The following BTLA variants were observed in gnomAD, a reference collection of about 807,000 sequenced individuals.
BTLA encodes the protein B- and T-lymphocyte attenuator.
A neutral mutation model predicts 25.0 loss-of-function variants in BTLA; 11 were observed. The ratio of observed to expected loss-of-function variants is 0.44; its 90% CI spans 0.28 to 0.73. The LOEUF is 0.73. Ranked by LOEUF, BTLA falls within the 30% of genes least tolerant of loss-of-function variation. BTLA has a pLI of 0.15. For missense variants in BTLA, 282 were observed against 332.8 expected (o/e 0.85, Z 1.19); for synonymous variants, 104 against 119.8 (o/e 0.87, Z 0.86).
intron 1 of BTLA, among the ~76,000 whole-genome samples, chr3:112,483,140 C>CTTTT (rs35513528): frequency 7.7e-3 from 395 of 51,410 alleles, no homozygotes; most frequent in African/African-American, 0.013. Flanking sequence ...GGGCACCTTT[C>CTTTT]TTTTTTTTTT....
At chr3:112,488,228 CTTTTT>C (rs546779181) in intron 1 of BTLA, among the ~76,000 whole-genome samples, 2 of 124,846 alleles carry the variant, frequency 1.6e-5, no homozygotes, top group East Asian at 4.6e-4. Flanking sequence ...TTTCTTTTTT[CTTTTT>C]TTTTTTTTTT....
intron 1 of BTLA, among the ~76,000 whole-genome samples, chr3:112,493,428 T>G (rs1265276037): frequency 6.6e-6 from 1 of 152,060 alleles, no homozygotes; most frequent in East Asian, 1.9e-4. Context: ...ATCCAGAATT[T>G]ACAAGAAACT....
chr3:112,478,877 G>A (rs2082302858), intron 2 of BTLA, among the ~76,000 whole-genome samples: 1 of 152,012 alleles, frequency 6.6e-6, no homozygotes, highest in South Asian at 2.1e-4. Context: ...AGTTGTCAAA[G>A]CATATTAAAG....
At position 112,471,374 on chromosome 3, in the gene BTLA, C is replaced by T; in HGVS notation, c.404-19G>A. On this transcript the variant is annotated intron_variant, in intron 2 of 4. Transcript: ENST00000334529. ...TTTACATCTGGAATGTTAGTAAATG[C>T]TAAAGAGAGTTAGGAAATCTGAGAT... The T allele has an allele frequency of 6.2e-7, 1 of 1,611,674 alleles. No homozygotes were observed. Among genetic ancestry groups the T allele is most frequent in the Non-Finnish European group, 8.5e-7 (1 of 1,178,510 alleles).
chr3:112,479,918 A>G (rs561117953), intron 1 of BTLA, 149 bp from the exon 2 acceptor site: 25 of 630,892 alleles, frequency 4.0e-5, no homozygotes, highest in African/African-American at 3.9e-4. Context: ...AGAATGTCTC[A>G]TACATATTAG....
At chr3:112,490,563 T>C (rs1294473748) in intron 1 of BTLA, among the ~76,000 whole-genome samples, 1 of 151,582 alleles carries the variant, frequency 6.6e-6, no homozygotes, top group Non-Finnish European at 1.5e-5. Context: ...TATCACCTGA[T>C]ATTGCTCTTT....
At chr3:112,488,229 T>TTTC (rs71134837) in intron 1 of BTLA, among the ~76,000 whole-genome samples, 3 of 340 alleles carry the variant, frequency 8.8e-3, no homozygotes, top group Admixed American at 0.2. Context: ...TTCTTTTTTC[T>TTTC]TTTTTTTTTT....
At chr3:112,483,415 T>C (rs1263784942) in intron 1 of BTLA, among the ~76,000 whole-genome samples, 1 of 151,886 alleles carries the variant, frequency 6.6e-6, no homozygotes, top group Non-Finnish European at 1.5e-5. Flanking sequence ...CCCAAAGTGC[T>C]GGGATTACAG....
At chr3:112,494,756 A>T (rs923865155) in intron 1 of BTLA, among the ~76,000 whole-genome samples, 8 of 152,116 alleles carry the variant, frequency 5.3e-5, no homozygotes, top group African/African-American at 1.7e-4. Flanking sequence ...CCTGTTGGGG[A>T]GTAGGGGGAG....
chr3:112,497,566 T>C (rs1576696013), intron 1 of BTLA, among the ~76,000 whole-genome samples: 1 of 152,184 alleles, frequency 6.6e-6, no homozygotes, highest in African/African-American at 2.4e-5. Context: ...AAGAAATCTA[T>C]TTAATAATAT....
At chr3:112,493,430 C>A (rs2082390865) in intron 1 of BTLA, among the ~76,000 whole-genome samples, 1 of 152,042 alleles carries the variant, frequency 6.6e-6, no homozygotes, top group South Asian at 2.1e-4. Flanking sequence ...CCAGAATTTA[C>A]AAGAAACTTA....
At position 112,499,391 on chromosome 3, in the gene BTLA, C is replaced by T. The variant is rs2082429429; in HGVS notation, c.-33G>A. On this transcript the variant is annotated 5_prime_UTR_variant, in exon 1 of 5. Transcript: ENST00000334529. Reference sequence around the variant, plus strand: ...ACATATCAGTGATGGAAAAACTGCTCAAGTAGAAGGCTTTGCTTCGTCTTC... The same window carrying T: ...ACATATCAGTGATGGAAAAACTGCTTAAGTAGAAGGCTTTGCTTCGTCTTC... 6.3e-7 allele frequency: 1 copy of T among 1,597,718 alleles called. No homozygotes were observed. The highest frequency in any genetic ancestry group is 8.6e-7 in the Non-Finnish European group (1 of 1,168,558).
At chr3:112,490,573 T>C (rs2082374181) in intron 1 of BTLA, among the ~76,000 whole-genome samples, 1 of 150,874 alleles carries the variant, frequency 6.6e-6, no homozygotes, top group South Asian at 2.1e-4. Context: ...TATTGCTCTT[T>C]AGACAAGAAG....
At chr3:112,470,720 T>A (rs1243720731) in intron 3 of BTLA, among the ~76,000 whole-genome samples, 1 of 152,230 alleles carries the variant, frequency 6.6e-6, no homozygotes, top group African/African-American at 2.4e-5. Context: ...CATATGTTTA[T>A]AATGGCAATA....
chr3:112,473,622 T>C (rs541978131), intron 2 of BTLA, among the ~76,000 whole-genome samples: 1 of 142,554 alleles, frequency 7.0e-6, no homozygotes, highest in South Asian at 2.3e-4. Context: ...TTTTTTTTTT[T>C]TTTTTTTTTT....
In BTLA at chr3:112,466,275, T is replaced by C; in HGVS notation, c.703A>G (p.Arg235Gly). The C allele has an allele frequency of 6.2e-7, 1 of 1,614,096 alleles. No homozygotes were observed. Among genetic ancestry groups the C allele is most frequent in the Non-Finnish European group, 8.5e-7 (1 of 1,179,982 alleles). ...TAAACTTCAGACCCTTCCTGCATCC[T>C]GAAACAAAGGTCAGGGTCATTATCA... ...IYDNDPDLCFRMQEGSEVYSN... is the reference protein window; with the variant it reads ...IYDNDPDLCFGMQEGSEVYSN... Residue 235 changes from arginine to glycine, a missense_variant, in exon 5 of 5, where the codon AGG becomes GGG. Physicochemically the swap from Arg to Gly is moderately radical, Grantham distance 125 (BLOSUM62 -2). Transcript: ENST00000334529.
Position 112,464,515 on chromosome 3 carries a change from T to C in BTLA, c.*1593A>G, listed in dbSNP as rs2082214464. The C allele has an allele frequency of 4.9e-6, 1 of 206,096 alleles. No individual in the cohort carries two copies. The highest frequency in any genetic ancestry group is 9.6e-6 in the Non-Finnish European group (1 of 104,032). 12.8% of individuals were successfully genotyped at this position (206,096 alleles called of 1,614,324 possible). A position where few individuals can be genotyped will look rare whatever the true frequency, so the allele number is the denominator to read the frequency against. On this transcript the variant is annotated 3_prime_UTR_variant, in exon 5 of 5. Coordinates refer to ENST00000334529, the MANE Select transcript of BTLA (RefSeq NM_181780.4). ...AATTGGTTGCTTGAAATTCTAGGTGTAATTGGCAAAATAACAGTGACTCAA... is the reference window on the plus strand; with the variant it reads ...AATTGGTTGCTTGAAATTCTAGGTGCAATTGGCAAAATAACAGTGACTCAA...
intron 1 of BTLA, among the ~76,000 whole-genome samples, chr3:112,491,637 T>G (rs555980846): frequency 6.6e-6 from 1 of 152,122 alleles, no homozygotes; most frequent in Non-Finnish European, 1.5e-5. Flanking sequence ...TGAGAACATA[T>G]AGGAAATATT....
chr3:112,484,385 G>A (rs1269120456), intron 1 of BTLA, among the ~76,000 whole-genome samples: 1 of 152,216 alleles, frequency 6.6e-6, no homozygotes, highest in African/African-American at 2.4e-5. Context: ...ATTTGAACAT[G>A]TCTGTTTCAA....
Sources: gnomAD v4.1 joint callset for allele counts (sites outside exome capture counted in the v4.1 genomes callset) on GRCh38, gnomAD v4.1.1 for gene constraint, MANE v1.5 for transcripts, NCBI Gene and HGNC (gene_info 2026-07-23, HGNC 2026-07-21) for gene names.